AKT3: variants seen among roughly 807,000 people sequenced by gnomAD.
The protein encoded by AKT3 is AKT serine/threonine kinase 3.
AKT3 carries 15 observed loss-of-function variants against 65.3 expected under a neutral mutation model. The ratio of observed to expected loss-of-function variants is 0.23; its 90% CI spans 0.15 to 0.35. The LOEUF is 0.35. AKT3 is among the 10% of genes least tolerant of loss of function. The probability of loss-of-function intolerance (pLI) is 1.00; values close to 1 mark genes in which losing one functional copy is unlikely to be tolerated. For synonymous variants in AKT3, 206 were observed against 183.8 expected (o/e 1.12, Z -0.98); for missense variants, 243 against 576.5 (o/e 0.42, Z 5.92).
At chr1:243,583,164 GTGTGTGTATATA>G (rs1444975415) in intron 8 of AKT3, among the ~76,000 whole-genome samples, 17 of 74,964 alleles carry the variant, frequency 2.3e-4, no homozygotes, top group Non-Finnish European at 3.3e-4. Context: ...CCATGTATAT[GTGTGTGTATATA>G]TATATATATA....
intron 2 of AKT3, among the ~76,000 whole-genome samples, chr1:243,792,264 A>G (rs76397969): frequency 0.028 from 4,238 of 149,196 alleles, 78 homozygotes; most frequent in Non-Finnish European, 0.042. Flanking sequence ...TTACCATTAA[A>G]TTTCTATTAA....
chr1:243,793,742 G>A (rs1202255617), intron 2 of AKT3, among the ~76,000 whole-genome samples: 2 of 147,440 alleles, frequency 1.4e-5, no homozygotes, highest in East Asian at 4.1e-4. Flanking sequence ...ACTGCACTCT[G>A]CACTCCAGCC....
rs181823939 is a variant in AKT3 at position 243,802,299 on chromosome 1, C to T, written c.46+40826G>A. Among the ~76,000 whole-genome samples the T allele has an allele frequency of 2.6e-5, 4 of 152,240 alleles. No homozygotes were observed. In the East Asian group the frequency reaches 5.8e-4, roughly 22 times the overall value. On this transcript the variant is annotated intron_variant, in intron 2 of 13. Transcript: ENST00000673466. ...CAAAAAGTTCCATATGACCCCTCTA[C>T]GCTACATGACATGGTAGCAAACGAA...
intron 2 of AKT3, among the ~76,000 whole-genome samples, chr1:243,696,201 G>GT (rs972480727): frequency 6.6e-6 from 1 of 151,166 alleles, no homozygotes; most frequent in Non-Finnish European, 1.5e-5. Flanking sequence ...AATCTTGACT[G>GT]TAACTTGTTT....
intron 1 of AKT3, 33 bp from the exon 2 acceptor site, chr1:243,843,315 T>C (rs1695359315): frequency 3.6e-6 from 5 of 1,384,666 alleles, no homozygotes; most frequent in Non-Finnish European, 4.7e-6. Flanking sequence ...GAATTTTTTT[T>C]CCATTCTTGC....
At chr1:243,800,349 CATA>C (rs1692305238) in intron 2 of AKT3, among the ~76,000 whole-genome samples, 1 of 152,208 alleles carries the variant, frequency 6.6e-6, no homozygotes, top group African/African-American at 2.4e-5. Flanking sequence ...CTGCCTGGCA[CATA>C]ATATGTTTTC....
At chr1:243,756,268 T>C (rs568672517) in intron 2 of AKT3, among the ~76,000 whole-genome samples, 11 of 152,308 alleles carry the variant, frequency 7.2e-5, no homozygotes, top group East Asian at 1.9e-4. Context: ...GGGAACACAA[T>C]TGATACCCAG....
chr1:243,528,227 C>T (rs989224735), intron 12 of AKT3, among the ~76,000 whole-genome samples: 9 of 152,128 alleles, frequency 5.9e-5, no homozygotes, highest in Non-Finnish European at 4.4e-5. Flanking sequence ...ATTTCACACT[C>T]CCTTTTGGAT....
rs372753966 is a variant in AKT3 at position 243,530,734 on chromosome 1, T to C, written c.1251+14776A>G. Among the ~76,000 whole-genome samples, 17 of 151,938 alleles carry C rather than the reference T, an allele frequency of 1.1e-4. 1 individual carries two copies. In the East Asian group the frequency reaches 1.9e-3, roughly 17 times the overall value. Reference sequence around the variant, plus strand: ...TACAAAAGATGAACAAATCCAGGAGTTGGTTTTTTGAAAGAATTAACAAAA... The same window carrying C: ...TACAAAAGATGAACAAATCCAGGAGCTGGTTTTTTGAAAGAATTAACAAAA... On this transcript the variant is annotated intron_variant, in intron 12 of 13. Transcript: ENST00000673466.
At position 243,488,901 on chromosome 1, in the gene AKT3, G is replaced by A. The variant is rs1665685233; in HGVS notation, c.*7-451C>T. On this transcript the variant is annotated intron_variant, in intron 13 of 13. Transcript: ENST00000336199. ...AGCCTGGCACCTCAGGGTCACCCTA[G>A]GCGTCCTGCTCATGGTTCCCTATCA... The A allele has an allele frequency of 1.5e-5, 22 of 1,498,748 alleles. No homozygotes were observed. The South Asian group carries it at 2.4e-4, about 16-fold the overall frequency. 92.8% of individuals were successfully genotyped at this position (1,498,748 alleles called of 1,614,324 possible). A position where few individuals can be genotyped will look rare whatever the true frequency, so the allele number is the denominator to read the frequency against.
intron 2 of AKT3, among the ~76,000 whole-genome samples, chr1:243,702,566 A>G (rs550117852): frequency 2.0e-5 from 3 of 152,320 alleles, no homozygotes; most frequent in Non-Finnish European, 4.4e-5. Flanking sequence ...TACTAATACT[A>G]ATACCACTTA....
Position 243,545,411 on chromosome 1 carries a change from T to G in AKT3, c.1251+99A>C, listed in dbSNP as rs1047017871. 118 of 662,714 alleles carry G rather than the reference T, an allele frequency of 1.8e-4. 1 individual carries two copies. In the African/African-American group the frequency reaches 2.0e-3, roughly 11 times the overall value. The allele number at this position is 662,714 out of a possible 1,614,324, so 41.1% of individuals were successfully genotyped here. A position where few individuals can be genotyped will look rare whatever the true frequency, so the allele number is the denominator to read the frequency against. On this transcript the variant is annotated intron_variant, in intron 12 of 13. Transcript: ENST00000673466. ...ATGTCGGTAAAATGGAAAGTATCAT[T>G]ACATCATTAACTTTTATTCACTTAA... is the stretch of plus-strand genomic sequence containing the variant.
rs376387081 is a variant in AKT3 at position 243,644,410 on chromosome 1, A to AAG, written c.429+1481_429+1482dup. On this transcript the variant is annotated intron_variant, in intron 5 of 13. Transcript: ENST00000673466. ...AGTTCAGATCTTACTGCCTGGGGTT[A>AAG]AGTACTGGCTCCCACCCTGTGTGTA... Among the ~76,000 whole-genome samples the AAG allele has an allele frequency of 2.8e-3, 423 of 152,278 alleles. 3 individuals carry two copies. Among genetic ancestry groups the AAG allele is most frequent in the African/African-American group, 9.8e-3 (409 of 41,576 alleles).
intron 2 of AKT3, among the ~76,000 whole-genome samples, chr1:243,819,721 C>A (rs959308873): frequency 6.6e-6 from 1 of 152,180 alleles, no homozygotes; most frequent in African/African-American, 2.4e-5. Flanking sequence ...GGTCGCCAGA[C>A]ACCTTATATA....
intron 2 of AKT3, among the ~76,000 whole-genome samples, chr1:243,809,128 G>A (rs1441839475): frequency 6.6e-6 from 1 of 152,102 alleles, no homozygotes; most frequent in Non-Finnish European, 1.5e-5. Context: ...ATCAACTAAC[G>A]AGCAAAATAA....
intron 8 of AKT3, among the ~76,000 whole-genome samples, chr1:243,576,177 AT>A (rs1241828166): frequency 6.6e-6 from 1 of 152,196 alleles, no homozygotes; most frequent in Non-Finnish European, 1.5e-5. Context: ...CTTCAAAAAA[AT>A]TCAACATCGC....
intron 3 of AKT3, among the ~76,000 whole-genome samples, chr1:243,685,076 C>A (rs1036638325): frequency 1.3e-5 from 2 of 152,040 alleles, no homozygotes; most frequent in African/African-American, 2.4e-5. Flanking sequence ...GGATAGATTG[C>A]GAAAATTTTC....
At chr1:243,780,637 G>A (rs181289778) in intron 2 of AKT3, among the ~76,000 whole-genome samples, 43 of 151,274 alleles carry the variant, frequency 2.8e-4, no homozygotes, top group African/African-American at 9.9e-4. Context: ...AGGGAACAGA[G>A]GGAAGAAAGG....
chr1:243,585,672 C>T (rs1165086828), intron 8 of AKT3, among the ~76,000 whole-genome samples: 1 of 152,078 alleles, frequency 6.6e-6, no homozygotes. Flanking sequence ...GGTGCTTCGA[C>T]AGCTGGTGAG....
Sources: allele counts gnomAD v4.1 joint callset (sites outside exome capture counted in the v4.1 genomes callset), GRCh38; gene constraint gnomAD v4.1.1; transcripts MANE v1.5; gene names NCBI Gene and HGNC (gene_info 2026-07-23, HGNC 2026-07-21).